BBS9: variants seen among roughly 807,000 people sequenced by gnomAD.
BBS9 encodes protein PTHB1.
BBS9 carries 89 observed loss-of-function variants against 117.7 expected under a neutral mutation model. The ratio of observed to expected loss-of-function variants is 0.76; its 90% CI spans 0.64 to 0.90. The LOEUF (loss-of-function observed/expected upper bound fraction) is 0.90. Ranked by LOEUF, BBS9 falls within the 40% of genes least tolerant of loss-of-function variation. The pLI, the probability that BBS9 is intolerant of heterozygous loss-of-function variation, is 0.00. For synonymous variants in BBS9, 379 were observed against 370.9 expected, an observed-to-expected ratio of 1.02 and a Z score of -0.25; for missense variants, 982 against 1,042.2, an observed-to-expected ratio of 0.94 and a Z score of 0.80.
intron 21 of BBS9, among the ~76,000 whole-genome samples, chr7:33,542,725 GTGTGTGTA>G (rs1475185706): frequency 2.9e-5 from 3 of 104,016 alleles, no homozygotes; most frequent in African/African-American, 1.1e-4. Flanking sequence ...GTGTGTGTGT[GTGTGTGTA>G]TATGTGTGTG....
chr7:33,247,774 G>T (rs944181508), intron 5 of BBS9, among the ~76,000 whole-genome samples: 5 of 152,152 alleles, frequency 3.3e-5, no homozygotes, highest in Non-Finnish European at 7.4e-5. Context: ...TATGGAAAAT[G>T]TTATCAAAAC....
At chr7:33,600,651 T>A (rs1443474298) in intron 21 of BBS9, among the ~76,000 whole-genome samples, 2 of 152,154 alleles carry the variant, frequency 1.3e-5, no homozygotes, top group Non-Finnish European at 2.9e-5. Context: ...CCCCACTGCA[T>A]CCAGGGAGGC....
At chr7:33,254,629 C>A (rs1303346403) in intron 5 of BBS9, among the ~76,000 whole-genome samples, 1 of 152,150 alleles carries the variant, frequency 6.6e-6, no homozygotes, top group Non-Finnish European at 1.5e-5. Flanking sequence ...ATTATAACTG[C>A]AAGTGTATAT....
At chr7:33,561,463 G>A (rs73109677) in intron 21 of BBS9, among the ~76,000 whole-genome samples, 16,139 of 152,176 alleles carry the variant, frequency 0.11, 902 homozygotes, top group Middle Eastern at 0.14. Flanking sequence ...TTCCCAAATC[G>A]TAGAGGTAGT....
intron 9 of BBS9, among the ~76,000 whole-genome samples, chr7:33,311,979 A>C (rs1204133598): frequency 1.3e-5 from 2 of 152,242 alleles, no homozygotes; most frequent in African/African-American, 4.8e-5. Flanking sequence ...TTTTGAAAGA[A>C]AAATAGTTCA....
At chr7:33,342,430 T>A (rs1816751656) in intron 11 of BBS9, among the ~76,000 whole-genome samples, 1 of 152,256 alleles carries the variant, frequency 6.6e-6, no homozygotes, top group South Asian at 2.1e-4. Flanking sequence ...TTTTTCTAGG[T>A]TCTCTTCAAC....
chr7:33,524,998 T>C (rs1478653744), intron 20 of BBS9, among the ~76,000 whole-genome samples: 8 of 152,190 alleles, frequency 5.3e-5, no homozygotes, highest in East Asian at 1.9e-4. Flanking sequence ...GCCTTCATTT[T>C]GTTATGTATC....
chr7:33,398,326 A>G (rs767167205), intron 19 of BBS9, among the ~76,000 whole-genome samples: 4 of 152,080 alleles, frequency 2.6e-5, no homozygotes, highest in Non-Finnish European at 5.9e-5. Context: ...CTGGTCTCAG[A>G]ATGTTTAGAG....
At position 33,505,610 on chromosome 7, in the gene BBS9, G is replaced by A. The variant is rs1343507292; in HGVS notation, c.2263G>A (p.Ala755Thr). ...SADQVAILEAAFLPLQEDTQE... is the reference protein window; with the variant it reads ...SADQVAILEATFLPLQEDTQE... ...TGACCAGGTTGCTATTCTGGAAGCG[G>A]CATTTCTGCCGCTACAAGAAGACAC... Residue 755 changes from alanine to threonine, a missense_variant, in exon 20 of 23, where the codon GCA becomes ACA. Physicochemically the swap from Ala to Thr is moderately conservative, Grantham distance 58. Transcript: ENST00000242067. The A allele has an allele frequency of 9.9e-6, 16 of 1,613,878 alleles. No individual in the cohort carries two copies. The highest frequency in any genetic ancestry group is 1.4e-5 in the Non-Finnish European group (16 of 1,179,962).
chr7:33,495,292 A>G (rs1024234285), intron 19 of BBS9, among the ~76,000 whole-genome samples: 1 of 152,136 alleles, frequency 6.6e-6, no homozygotes, highest in East Asian at 1.9e-4. Flanking sequence ...AGCACTTGCT[A>G]CCTTAGCTAA....
chr7:33,181,697 G>A (rs773053722), intron 5 of BBS9, among the ~76,000 whole-genome samples: 3 of 152,146 alleles, frequency 2.0e-5, no homozygotes, highest in Non-Finnish European at 1.5e-5. Context: ...AACTTTAGCC[G>A]ATATGTTCAC....
At chr7:33,309,193 A>G (rs1007474480) in intron 9 of BBS9, among the ~76,000 whole-genome samples, 1 of 152,224 alleles carries the variant, frequency 6.6e-6, no homozygotes, top group African/African-American at 2.4e-5. Flanking sequence ...GGAGGATTAC[A>G]TAGAAGTAGT....
chr7:33,206,416 G>T (rs921011065), intron 5 of BBS9, among the ~76,000 whole-genome samples: 1 of 152,164 alleles, frequency 6.6e-6, no homozygotes, highest in African/African-American at 2.4e-5. Flanking sequence ...AGTTGTTACT[G>T]ATAGCTAAGA....
At chr7:33,631,834 C>T (rs1012564580) in intron 21 of BBS9, among the ~76,000 whole-genome samples, 1 of 152,170 alleles carries the variant, frequency 6.6e-6, no homozygotes, top group Non-Finnish European at 1.5e-5. Context: ...CATCCTTGTT[C>T]CCTGCTTGGT....
At chr7:33,210,666 T>G (rs577149669) in intron 5 of BBS9, among the ~76,000 whole-genome samples, 9 of 152,282 alleles carry the variant, frequency 5.9e-5, no homozygotes, top group Non-Finnish European at 1.2e-4. Context: ...GCATCCTGAG[T>G]GGCTGGGATT....
intron 19 of BBS9, among the ~76,000 whole-genome samples, chr7:33,420,585 C>T (rs1055897479): frequency 6.6e-6 from 1 of 152,112 alleles, no homozygotes; most frequent in Non-Finnish European, 1.5e-5. Flanking sequence ...CCTGCATTTC[C>T]CTACTCTTGT....
intron 7 of BBS9, among the ~76,000 whole-genome samples, chr7:33,265,647 G>A (rs982587159): frequency 6.6e-6 from 1 of 151,980 alleles, no homozygotes; most frequent in Non-Finnish European, 1.5e-5. Flanking sequence ...GAGTTCGAGA[G>A]CAGCCTGGCC....
Position 33,616,479 on chromosome 7 carries a change from ATG to A in BBS9, c.2522-18684_2522-18683del, listed in dbSNP as rs199968576. Among the ~76,000 whole-genome samples, 72 of 142,438 alleles carry A rather than the reference ATG, an allele frequency of 5.1e-4. 1 individual carries two copies. The East Asian group carries it at 6.4e-3, about 13-fold the overall frequency. The allele number at this position is 142,438 out of a possible 152,430, so 93.4% of individuals were successfully genotyped here. The stretch of plus-strand genomic sequence containing the variant: ...TATGTTATATAACTTTATATAATAT[ATG>A]TGTGTGTGTGTGTATATATATATAT... On this transcript the variant is annotated intron_variant, in intron 21 of 21. Transcript: ENST00000671952.
intron 5 of BBS9, among the ~76,000 whole-genome samples, chr7:33,225,010 C>T (rs1469594952): frequency 6.6e-6 from 1 of 152,074 alleles, no homozygotes; most frequent in Non-Finnish European, 1.5e-5. Flanking sequence ...TAGTAGGTTA[C>T]CCAGAGATAT....
Sources: gnomAD v4.1 joint callset for allele counts (sites outside exome capture counted in the v4.1 genomes callset) on GRCh38, gnomAD v4.1.1 for gene constraint, MANE v1.5 for transcripts, NCBI Gene and HGNC (gene_info 2026-07-23, HGNC 2026-07-21) for gene names.